SUPT3H: variants seen among roughly 807,000 people sequenced by gnomAD.
SUPT3H encodes the protein transcription initiation protein SPT3 homolog.
In SUPT3H, 44 loss-of-function variants were observed where a neutral mutation model predicts 44.3. The observed-to-expected ratio is 0.99, with a 90% CI of 0.78 to 1.28. The LOEUF (loss-of-function observed/expected upper bound fraction) is 1.28. Among genes scored for constraint, SUPT3H ranks in the 50% most tolerant of loss-of-function variants. The pLI is 0.00. For missense variants in SUPT3H, 380 were observed against 387.1 expected, an observed-to-expected ratio of 0.98 and a Z score of 0.15; for synonymous variants, 124 against 125.6, an observed-to-expected ratio of 0.99 and a Z score of 0.09.
At chr6:44,982,927 TAAG>T (rs1226682330) in intron 6 of SUPT3H, among the ~76,000 whole-genome samples, 3 of 152,192 alleles carry the variant, frequency 2.0e-5, no homozygotes, top group East Asian at 1.9e-4. Flanking sequence ...ACAAGAAATC[TAAG>T]AAGATGTTCT....
intron 7 of SUPT3H, among the ~76,000 whole-genome samples, chr6:44,959,582 ATTATTCT>A: frequency 6.6e-6 from 1 of 152,062 alleles, no homozygotes; most frequent in Non-Finnish European, 1.5e-5. Context: ...ATTATTATAA[ATTATTCT>A]TTATGATTAT....
intron 2 of SUPT3H, among the ~76,000 whole-genome samples, chr6:45,152,516 C>T (rs921887217): frequency 1.3e-4 from 20 of 152,198 alleles, no homozygotes; most frequent in African/African-American, 4.1e-4. Context: ...TTTTGAGACA[C>T]AGTCTCATTC....
chr6:45,183,900 T>C (rs1177003412), intron 2 of SUPT3H, among the ~76,000 whole-genome samples: 2 of 152,078 alleles, frequency 1.3e-5, no homozygotes, highest in Non-Finnish European at 2.9e-5. Flanking sequence ...AAAAAGATCA[T>C]TGGTTATTAG....
intron 2 of SUPT3H, among the ~76,000 whole-genome samples, chr6:45,175,852 T>A (rs957763375): frequency 6.6e-6 from 1 of 152,244 alleles, no homozygotes; most frequent in Non-Finnish European, 1.5e-5. Context: ...CTTCTCATTA[T>A]AGATACCAGT....
chr6:45,255,942 C>T (rs776556771), intron 2 of SUPT3H, among the ~76,000 whole-genome samples: 5 of 152,078 alleles, frequency 3.3e-5, no homozygotes, highest in African/African-American at 4.8e-5. Context: ...GAGGCCGAGG[C>T]GGGAAGATCA....
chr6:44,914,318 G>A (rs936245408), intron 10 of SUPT3H, among the ~76,000 whole-genome samples: 1 of 152,218 alleles, frequency 6.6e-6, no homozygotes, highest in Non-Finnish European at 1.5e-5. Context: ...GCTCCTCAGT[G>A]CTGAATGAGG....
At chr6:45,014,567 G>C (rs1364488318) in intron 5 of SUPT3H, among the ~76,000 whole-genome samples, 1 of 152,066 alleles carries the variant, frequency 6.6e-6, no homozygotes, top group East Asian at 1.9e-4. Flanking sequence ...CAATTCATCT[G>C]CAGAACTATT....
chr6:44,945,521 A>G (rs1773195162), intron 9 of SUPT3H, among the ~76,000 whole-genome samples: 1 of 152,198 alleles, frequency 6.6e-6, no homozygotes. Context: ...CACACAAATG[A>G]TAAGAAGGTG....
At chr6:45,234,160 T>C (rs1768621053) in intron 2 of SUPT3H, among the ~76,000 whole-genome samples, 1 of 152,206 alleles carries the variant, frequency 6.6e-6, no homozygotes, top group African/African-American at 2.4e-5. Context: ...TCATAAAATA[T>C]ATTGCTCAGT....
In SUPT3H at chr6:44,985,550, C is replaced by T. The variant is rs114869742; in HGVS notation, c.504+18103G>A. Among the ~76,000 whole-genome samples the T allele has an allele frequency of 2.2e-3, 334 of 152,226 alleles. 1 individual carries two copies. The highest frequency in any genetic ancestry group is 7.5e-3 in the African/African-American group (312 of 41,554). On this transcript the variant is annotated intron_variant, in intron 6 of 10. Transcript: ENST00000371459. ...TAGGTTCCCAAGTAATCTACAAAAA[C>T]CTCTTTAACCCATATGCACCTGGAC...
At chr6:44,923,285 G>A (rs2153457592) in intron 10 of SUPT3H, among the ~76,000 whole-genome samples, 1 of 152,152 alleles carries the variant, frequency 6.6e-6, no homozygotes, top group East Asian at 1.9e-4. Context: ...TCCCCCATTA[G>A]AGAAAAGTGA....
chr6:44,988,060 G>C (rs1235943819), intron 6 of SUPT3H, among the ~76,000 whole-genome samples: 1 of 152,068 alleles, frequency 6.6e-6, no homozygotes, highest in African/African-American at 2.4e-5. Context: ...CTGAGGAATA[G>C]ACATAATATA....
chr6:45,042,562 TTTTAATTATAC>T (rs1398658367), intron 3 of SUPT3H, among the ~76,000 whole-genome samples: 5 of 152,236 alleles, frequency 3.3e-5, no homozygotes, highest in Non-Finnish European at 7.3e-5. Context: ...TTGTTGTTTT[TTTTAATTATAC>T]TTTAAGTTTT....
chr6:45,116,272 G>A (rs1184357719), intron 2 of SUPT3H, among the ~76,000 whole-genome samples: 1 of 151,956 alleles, frequency 6.6e-6, no homozygotes, highest in Non-Finnish European at 1.5e-5. Flanking sequence ...CAGAAAAGCT[G>A]AAATAACAGT....
intron 10 of SUPT3H, among the ~76,000 whole-genome samples, chr6:44,859,092 T>C (rs1278816278): frequency 6.6e-6 from 1 of 152,140 alleles, no homozygotes; most frequent in African/African-American, 2.4e-5. Context: ...ATAGACTTGA[T>C]ATAAAGAGGT....
At chr6:44,881,552 C>T (rs988922842) in intron 10 of SUPT3H, among the ~76,000 whole-genome samples, 1 of 152,186 alleles carries the variant, frequency 6.6e-6, no homozygotes, top group African/African-American at 2.4e-5. Context: ...TAGATATCTA[C>T]AGAACTCTCC....
intron 2 of SUPT3H, among the ~76,000 whole-genome samples, chr6:45,230,676 A>T (rs1175837432): frequency 9.3e-6 from 1 of 107,660 alleles, no homozygotes; most frequent in East Asian, 2.2e-4. Flanking sequence ...ATATATATAT[A>T]TATATATATA....
At chr6:44,978,452 T>C (rs1175630311) in intron 6 of SUPT3H, among the ~76,000 whole-genome samples, 2 of 152,186 alleles carry the variant, frequency 1.3e-5, no homozygotes, top group Non-Finnish European at 2.9e-5. Flanking sequence ...CATAATACCA[T>C]ACAATCTAAA....
chr6:45,033,942 T>C (rs1376011813), intron 3 of SUPT3H, among the ~76,000 whole-genome samples: 3 of 152,108 alleles, frequency 2.0e-5, no homozygotes, highest in African/African-American at 7.2e-5. Context: ...AGCTAATATA[T>C]GTGTGTCTGA....
Sources: allele counts gnomAD v4.1 joint callset (sites outside exome capture counted in the v4.1 genomes callset), GRCh38; gene constraint gnomAD v4.1.1; transcripts MANE v1.5; gene names NCBI Gene and HGNC (gene_info 2026-07-23, HGNC 2026-07-21).